Variants in RECK observed in about 807,000 individuals in gnomAD.
RECK encodes the protein reversion inducing cysteine rich protein with kazal motifs.
In RECK, 69 loss-of-function variants were observed where a neutral mutation model predicts 115.1. The observed-to-expected ratio is 0.60, with a 90% CI of 0.49 to 0.73. The LOEUF is 0.73. Among genes scored for constraint, RECK ranks in the 30% least tolerant of loss-of-function variants. The pLI is 0.00. For synonymous variants in RECK, 414 were observed against 419.7 expected (o/e 0.99, Z 0.17); for missense variants, 1,047 against 1,203.7 (o/e 0.87, Z 1.93).
At chr9:36,047,590 G>A (rs749816462) in intron 1 of RECK, among the ~76,000 whole-genome samples, 6 of 152,142 alleles carry the variant, frequency 3.9e-5, no homozygotes, top group South Asian at 4.2e-4. Context: ...GGGTGACAGC[G>A]CAAGACTCTC....
At chr9:36,042,950 A>G (rs1238586299) in intron 1 of RECK, among the ~76,000 whole-genome samples, 1 of 119,448 alleles carries the variant, frequency 8.4e-6, no homozygotes, top group Non-Finnish European at 1.8e-5. Context: ...ATTTTTTCAT[A>G]TGTTTGTTGG....
intron 6 of RECK, among the ~76,000 whole-genome samples, chr9:36,076,640 G>A (rs1056889814): frequency 2.6e-5 from 4 of 152,206 alleles, no homozygotes; most frequent in Admixed American, 6.5e-5. Context: ...AAATATTCAG[G>A]AATTTAATCG....
rs1226316211 is a variant in RECK, at chr9:36,110,197, A to G, written c.1888+118A>G. On this transcript the variant is annotated intron_variant, in intron 15 of 20. Coordinates refer to ENST00000377966, the MANE Select transcript of RECK (RefSeq NM_021111.3). Reference sequence around the variant, plus strand: ...AATGTACACAATAAAATCAATACAGAATCTAAGGGCAAGATGCTTTTCCTC... The same window carrying G: ...AATGTACACAATAAAATCAATACAGGATCTAAGGGCAAGATGCTTTTCCTC... 6.4e-6 allele frequency: 7 copies of G among 1,092,026 alleles called. No individual in the cohort carries two copies. In the Admixed American group the frequency reaches 1.9e-4, roughly 30 times the overall value. The allele number at this position is 1,092,026 out of a possible 1,614,324, so 67.6% of individuals were successfully genotyped here.
chr9:36,102,323 T>A, intron 12 of RECK, 93 bp downstream of exon 12: 1 of 1,123,430 alleles, frequency 8.9e-7, no homozygotes, highest in Non-Finnish European at 1.3e-6. Context: ...AGCATTTATC[T>A]GTTGAGAACA....
chr9:36,042,423 AGTGTGTGTGTGTGTGTGTGTGTGT>A (rs35193636), intron 1 of RECK, among the ~76,000 whole-genome samples: 4 of 144,458 alleles, frequency 2.8e-5, no homozygotes, highest in East Asian at 2.0e-4. Flanking sequence ...AGTATTCCAT[AGTGTGTGTGTGTGTGTGTGTGTGT>A]GTGTGTGTGT....
intron 15 of RECK, among the ~76,000 whole-genome samples, chr9:36,111,189 A>G (rs1824029402): frequency 6.6e-6 from 1 of 152,214 alleles, no homozygotes; most frequent in Non-Finnish European, 1.5e-5. Flanking sequence ...GTCCTGGGAT[A>G]AATTAAGTCA....
intron 6 of RECK, among the ~76,000 whole-genome samples, chr9:36,071,044 G>A (rs974248597): frequency 2.0e-5 from 3 of 152,126 alleles, no homozygotes; most frequent in African/African-American, 7.2e-5. Context: ...GTATTCAGCA[G>A]CTGTAGTTAC....
chr9:36,057,761 C>G (rs1208093126), intron 2 of RECK, among the ~76,000 whole-genome samples: 15 of 152,120 alleles, frequency 9.9e-5, no homozygotes, highest in Non-Finnish European at 1.6e-4. Context: ...GTGGAGGTTA[C>G]AGTGAGCTGA....
intron 8 of RECK, chr9:36,086,208 G>A (rs1287449381): frequency 6.6e-6 from 1 of 152,216 alleles, no homozygotes; most frequent in Non-Finnish European, 1.5e-5. Context: ...GTTCGCTACT[G>A]TACTATTTAT....
intron 2 of RECK, among the ~76,000 whole-genome samples, chr9:36,052,651 T>C (rs1821353880): frequency 6.6e-6 from 1 of 152,152 alleles, no homozygotes; most frequent in Non-Finnish European, 1.5e-5. Flanking sequence ...TATAATTGCA[T>C]AATTTGAATT....
intron 10 of RECK, among the ~76,000 whole-genome samples, chr9:36,092,645 G>A (rs2132640115): frequency 6.6e-6 from 1 of 150,378 alleles, no homozygotes; most frequent in South Asian, 2.1e-4. Context: ...GCCTGCCTCA[G>A]CCTCCCAAAG....
chr9:36,042,959 G>A (rs923993972), intron 1 of RECK, among the ~76,000 whole-genome samples: 2 of 146,334 alleles, frequency 1.4e-5, no homozygotes, highest in Non-Finnish European at 3.0e-5. Flanking sequence ...TATGTTTGTT[G>A]GCCATTTGTA....
chr9:36,112,035 A>G (rs377128400), intron 15 of RECK, among the ~76,000 whole-genome samples: 2 of 147,092 alleles, frequency 1.4e-5, no homozygotes, highest in Non-Finnish European at 3.0e-5. Context: ...AGGCAGGAGA[A>G]TGGCGTGAAC....
intron 8 of RECK, among the ~76,000 whole-genome samples, chr9:36,083,803 G>A (rs750541161): frequency 6.6e-6 from 1 of 152,162 alleles, no homozygotes; most frequent in Non-Finnish European, 1.5e-5. Flanking sequence ...AGAGTTCACT[G>A]ATATGGATTT....
chr9:36,121,450 C>A, intron 19 of RECK, 83 bp from the exon 20 acceptor site: 1 of 1,364,752 alleles, frequency 7.3e-7, no homozygotes, highest in East Asian at 2.3e-5. Flanking sequence ...AGAGCCTCCT[C>A]AGCTGGCAGC....
chr9:36,059,455 CAA>C (rs35689662), intron 3 of RECK, among the ~76,000 whole-genome samples: 121 of 129,188 alleles, frequency 9.4e-4, no homozygotes, highest in African/African-American at 1.6e-3. Context: ...GACTCCGTCT[CAA>C]AAAAAAAAAA....
rs753147516 is a variant in RECK, at chr9:36,083,453, T to G, written c.528T>G (p.Gly176=). 6.2e-7 allele frequency: 1 copy of G among 1,613,990 alleles called. No homozygotes were observed. The change falls in exon 8 of 21, where the codon GGT becomes GGG. Residue 176 remains glycine, a synonymous_variant. Coordinates refer to ENST00000377966, the MANE Select transcript of RECK (RefSeq NM_021111.3). ...TTTTTCGAACAGACTCTTCTCCTGG[T>G]CCATCTCAGATAAAAGCAGTGGAAA... ...QAIFRTDSSP[G]PSQIKAVENY...
At chr9:36,086,250 A>G (rs1822955246) in intron 8 of RECK, 1 of 152,278 alleles carries the variant, frequency 6.6e-6, no homozygotes, top group East Asian at 1.9e-4. Context: ...CATAAGATAT[A>G]TAAAAGCTTT....
intron 6 of RECK, among the ~76,000 whole-genome samples, chr9:36,073,576 T>C (rs1822331256): frequency 6.6e-6 from 1 of 152,198 alleles, no homozygotes; most frequent in Non-Finnish European, 1.5e-5. Flanking sequence ...TCTCCTCTTA[T>C]CTACTATATC....
Sources: gnomAD v4.1 joint callset for allele counts (sites outside exome capture counted in the v4.1 genomes callset) on GRCh38, gnomAD v4.1.1 for gene constraint, MANE v1.5 for transcripts, NCBI Gene and HGNC (gene_info 2026-07-23, HGNC 2026-07-21) for gene names.